Variants in EFCAB13 observed in about 807,000 individuals in gnomAD.
EFCAB13 encodes EF-hand calcium-binding domain-containing protein 13.
EFCAB13 carries 91 observed loss-of-function variants against 110.2 expected under a neutral mutation model. The observed-to-expected ratio is 0.83, with a 90% CI of 0.70 to 0.98. EFCAB13 has a LOEUF of 0.98. EFCAB13 is among the 50% of genes least tolerant of loss of function. The pLI, the probability that EFCAB13 is intolerant of heterozygous loss-of-function variation, is 0.00. For missense variants in EFCAB13, 968 were observed against 1,119.4 expected, an observed-to-expected ratio of 0.86 and a Z score of 1.93; for synonymous variants, 323 against 369.9, an observed-to-expected ratio of 0.87 and a Z score of 1.45.
chr17:47,327,573 G>A (rs1427777105), intron 3 of EFCAB13, among the ~76,000 whole-genome samples: 1 of 152,080 alleles, frequency 6.6e-6, no homozygotes, highest in Non-Finnish European at 1.5e-5. Context: ...TTCTGCCTCA[G>A]CCTCCTGAGT....
At chr17:47,345,705 A>G (rs921884118) in intron 8 of EFCAB13, among the ~76,000 whole-genome samples, 3 of 152,326 alleles carry the variant, frequency 2.0e-5, no homozygotes, top group African/African-American at 7.2e-5. Context: ...TCAGACGTCA[A>G]CGTCTTATTC....
chr17:47,392,000 G>A (rs2065710914), intron 15 of EFCAB13, among the ~76,000 whole-genome samples: 2 of 152,088 alleles, frequency 1.3e-5, no homozygotes, highest in South Asian at 4.1e-4. Flanking sequence ...TTGAGTATCT[G>A]TGCCCATATA....
At chr17:47,384,660 A>C (rs1377954461) in intron 14 of EFCAB13, among the ~76,000 whole-genome samples, 1 of 152,160 alleles carries the variant, frequency 6.6e-6, no homozygotes, top group African/African-American at 2.4e-5. Flanking sequence ...AGAATGTTGA[A>C]TATTGGCCCC....
chr17:47,369,268 A>G (rs969803718), intron 10 of EFCAB13, among the ~76,000 whole-genome samples: 1 of 152,252 alleles, frequency 6.6e-6, no homozygotes, highest in Non-Finnish European at 1.5e-5. Flanking sequence ...CCCAAGATCT[A>G]GATGACTGAA....
chr17:47,403,055 G>C (rs774712621), intron 18 of EFCAB13, among the ~76,000 whole-genome samples: 19 of 152,102 alleles, frequency 1.2e-4, no homozygotes, highest in Admixed American at 4.6e-4. Context: ...AGGTTTTCTG[G>C]GTGTCAGCAA....
intron 23 of EFCAB13, among the ~76,000 whole-genome samples, chr17:47,428,186 A>G (rs1036325533): frequency 3.9e-5 from 6 of 152,108 alleles, no homozygotes; most frequent in African/African-American, 1.4e-4. Context: ...AAAACACTCA[A>G]ACACAGTTTT....
At chr17:47,402,806 G>A (rs1469204129) in intron 18 of EFCAB13, among the ~76,000 whole-genome samples, 2 of 152,204 alleles carry the variant, frequency 1.3e-5, no homozygotes, top group Non-Finnish European at 2.9e-5. Context: ...ACTGTTGTCA[G>A]GAGAGTGGCA....
At chr17:47,344,333 C>G (rs768829363) in intron 7 of EFCAB13, 41 bp downstream of exon 7, 1 of 1,593,546 alleles carries the variant, frequency 6.3e-7, no homozygotes, top group South Asian at 1.1e-5. Context: ...ATGTTGGGTT[C>G]AGACTTGGGT....
chr17:47,358,693 T>C (rs1238772431), intron 9 of EFCAB13, among the ~76,000 whole-genome samples: 1 of 152,176 alleles, frequency 6.6e-6, no homozygotes, highest in Non-Finnish European at 1.5e-5. Flanking sequence ...TTTTTCTTTA[T>C]GTCTTCTGAG....
At chr17:47,362,889 C>T (rs773939475) in intron 10 of EFCAB13, among the ~76,000 whole-genome samples, 33 of 152,110 alleles carry the variant, frequency 2.2e-4, no homozygotes, top group Non-Finnish European at 3.8e-4. Flanking sequence ...TGTTTTGTAT[C>T]CAATAAATAT....
At chr17:47,356,475 A>G (rs1221378339) in intron 9 of EFCAB13, among the ~76,000 whole-genome samples, 1 of 152,178 alleles carries the variant, frequency 6.6e-6, no homozygotes, top group East Asian at 1.9e-4. Context: ...GCCAAACTGC[A>G]GTAATTGTTA....
intron 9 of EFCAB13, among the ~76,000 whole-genome samples, chr17:47,351,852 T>G (rs1426867802): frequency 6.6e-6 from 1 of 151,928 alleles, no homozygotes; most frequent in African/African-American, 2.4e-5. Flanking sequence ...TCATGAATTC[T>G]TTGCCTAGAC....
intron 1 of EFCAB13, 74 bp downstream of exon 1, chr17:47,324,148 G>T: frequency 6.5e-6 from 1 of 153,134 alleles, no homozygotes; most frequent in Non-Finnish European, 1.5e-5. Context: ...GGGAGCCTTC[G>T]AGGTGGAGGG....
intron 17 of EFCAB13, among the ~76,000 whole-genome samples, chr17:47,397,192 T>C (rs1022358659): frequency 1.3e-5 from 2 of 151,818 alleles, no homozygotes; most frequent in Non-Finnish European, 2.9e-5. Context: ...TCGTATTTTT[T>C]TGGTGGAGAC....
chr17:47,405,127 A>C (rs1362634285), intron 20 of EFCAB13, among the ~76,000 whole-genome samples: 1 of 152,174 alleles, frequency 6.6e-6, no homozygotes, highest in African/African-American at 2.4e-5. Flanking sequence ...GTTCCACTAT[A>C]TTATGTAAAC....
intron 21 of EFCAB13, among the ~76,000 whole-genome samples, 188 bp downstream of exon 21, chr17:47,409,879 G>C (rs111837534): frequency 6.6e-6 from 1 of 151,988 alleles, no homozygotes; most frequent in Non-Finnish European, 1.5e-5. Flanking sequence ...CTGTTATTAG[G>C]ATAAAAATTA....
chr17:47,349,976 T>G (rs1165555891), intron 9 of EFCAB13, among the ~76,000 whole-genome samples: 1 of 151,576 alleles, frequency 6.6e-6, no homozygotes. Flanking sequence ...GGGTTTCACC[T>G]TGTTAGCCAG....
At position 47,374,865 on chromosome 17, in the gene EFCAB13, A is replaced by T; in HGVS notation, c.1271A>T (p.Asp424Val). Residue 424 changes from aspartate (D) to valine (V), a missense_variant, in exon 12 of 25, where the codon GAT becomes GTT. Coordinates refer to ENST00000331493, the MANE Select transcript of EFCAB13 (RefSeq NM_152347.5). ...TSLSKSLDKSDISSIPKLQKP... is the reference protein window; with the variant it reads ...TSLSKSLDKSVISSIPKLQKP... Reference sequence around the variant, plus strand: ...CTCAGTAAGTCTCTGGATAAAAGTGATATTTCTAGTATCCCAAAACTTCAG... The same window carrying T: ...CTCAGTAAGTCTCTGGATAAAAGTGTTATTTCTAGTATCCCAAAACTTCAG... 1 of 1,613,402 alleles carries T rather than the reference A, an allele frequency of 6.2e-7. No individual in the cohort carries two copies. The highest frequency in any genetic ancestry group is 1.3e-5 in the African/African-American group (1 of 75,014).
At chr17:47,328,166 C>T in intron 3 of EFCAB13, 103 bp from the exon 4 acceptor site, 1 of 626,810 alleles carries the variant, frequency 1.6e-6, no homozygotes, top group Non-Finnish European at 2.9e-6. Flanking sequence ...TGTATCATAC[C>T]CCAAGTCAGT....
Sources: gnomAD v4.1 joint callset for allele counts (sites outside exome capture counted in the v4.1 genomes callset) on GRCh38, gnomAD v4.1.1 for gene constraint, MANE v1.5 for transcripts, NCBI Gene and HGNC (gene_info 2026-07-23, HGNC 2026-07-21) for gene names.